The following FRYL variants were observed in gnomAD, a reference collection of about 807,000 sequenced individuals.
The protein encoded by FRYL is FRY like transcription coactivator.
In FRYL, 150 loss-of-function variants were observed where a neutral mutation model predicts 351.2. That is an observed-to-expected ratio of 0.43 (90% CI 0.37 to 0.49). The LOEUF (loss-of-function observed/expected upper bound fraction) is 0.49, where lower values mean the gene tolerates loss of function less well. Ranked by LOEUF, FRYL falls within the 20% of genes least tolerant of loss-of-function variation. The pLI is 0.00. For missense variants in FRYL, 3,036 were observed against 3,619.3 expected (o/e 0.84, Z 4.13); for synonymous variants, 1,153 against 1,257.1 (o/e 0.92, Z 1.75).
At chr4:48,500,920 C>G (rs555938343) in intron 62 of FRYL, among the ~76,000 whole-genome samples, 2 of 151,936 alleles carry the variant, frequency 1.3e-5, no homozygotes, top group Admixed American at 1.3e-4. Context: ...CCCGTCTCTA[C>G]TAAAAATACA....
intron 3 of FRYL, among the ~76,000 whole-genome samples, chr4:48,672,034 G>A (rs982081152): frequency 6.6e-6 from 1 of 152,064 alleles, no homozygotes; most frequent in African/African-American, 2.4e-5. Context: ...ATGCTCCAAG[G>A]TTAAATTTGT....
intron 36 of FRYL, among the ~76,000 whole-genome samples, chr4:48,552,013 C>A (rs1208801275): frequency 2.6e-5 from 4 of 152,162 alleles, no homozygotes; most frequent in African/African-American, 9.7e-5. Flanking sequence ...CTGTCTTTCC[C>A]CACTTCTAGA....
At position 48,755,297 on chromosome 4, in the gene FRYL, T is replaced by C. The variant is rs112698144; in HGVS notation, c.-384+24781A>G. Among the ~76,000 whole-genome samples the C allele has an allele frequency of 4.5e-3, 691 of 152,320 alleles. 6 individuals carry two copies. The highest frequency in any genetic ancestry group is 0.015 in the African/African-American group (642 of 41,566). ...ATTTCACTCAGAAATACTATTTCCA[T>C]TAAGTTAACCCTAGAAAATTCATTT... On this transcript the variant is annotated intron_variant, in intron 1 of 63. Coordinates refer to ENST00000358350, the MANE Select transcript of FRYL (RefSeq NM_015030.2).
intron 59 of FRYL, chr4:48,506,378 A>G (rs796532471): frequency 2.6e-5 from 4 of 151,906 alleles, no homozygotes; most frequent in African/African-American, 9.7e-5. Flanking sequence ...TAAAAACATA[A>G]AATAAAAAAA....
intron 1 of FRYL, among the ~76,000 whole-genome samples, chr4:48,722,563 A>C (rs1319232522): frequency 6.6e-6 from 1 of 152,220 alleles, no homozygotes; most frequent in African/African-American, 2.4e-5. Context: ...CTCACTTGTA[A>C]CATGTCTACA....
Position 48,579,124 on chromosome 4 carries a change from G to A in FRYL, c.2377C>T (p.His793Tyr). 1 of 1,613,982 alleles carries A rather than the reference G, an allele frequency of 6.2e-7. No homozygotes were observed. Among genetic ancestry groups the A allele is most frequent in the South Asian group, 1.1e-5 (1 of 91,072 alleles). Residue 793 changes from histidine to tyrosine, a missense_variant, in exon 23 of 64, where the codon CAT becomes TAT. Around this residue, in one of 7 missense-constraint regions of FRYL, gnomAD observed 492 missense variants for 551.5 expected, o/e 0.89. Coordinates refer to ENST00000358350, the MANE Select transcript of FRYL (RefSeq NM_015030.2). ...ISPSHIWIFA[H>Y]VTQGQDPWII... Reference sequence around the variant, plus strand: ...CATGGGTCTTGGCCTTGGGTCACATGTGCAAATATCCATATATGTGATGGA... The same window carrying A: ...CATGGGTCTTGGCCTTGGGTCACATATGCAAATATCCATATATGTGATGGA...
Position 48,561,091 on chromosome 4 carries a change from T to G in FRYL, c.3865+377A>C, listed in dbSNP as rs186229574. Among the ~76,000 whole-genome samples the G allele has an allele frequency of 1.1e-4, 16 of 152,344 alleles. No homozygotes were observed. In the East Asian group the frequency reaches 2.5e-3, roughly 24 times the overall value. Reference sequence around the variant, plus strand: ...CGCTCACGGAAAACTGCCTATAACTTTATCCCTGCCTATTTTTATTATTAA... The same window carrying G: ...CGCTCACGGAAAACTGCCTATAACTGTATCCCTGCCTATTTTTATTATTAA... On this transcript the variant is annotated intron_variant, in intron 33 of 63. Coordinates refer to ENST00000358350, the MANE Select transcript of FRYL (RefSeq NM_015030.2).
At chr4:48,649,689 C>CA (rs1486894812) in intron 3 of FRYL, among the ~76,000 whole-genome samples, 2 of 152,132 alleles carry the variant, frequency 1.3e-5, no homozygotes. Context: ...GGCACAAAGA[C>CA]AAAATCCTGA....
chr4:48,633,150 T>C (rs534435273), intron 4 of FRYL, among the ~76,000 whole-genome samples: 3 of 152,234 alleles, frequency 2.0e-5, no homozygotes, highest in South Asian at 2.1e-4. Flanking sequence ...ACATACCCAC[T>C]TCCTTCCAGC....
At chr4:48,504,659 G>C (rs958338316) in intron 60 of FRYL, among the ~76,000 whole-genome samples, 3 of 152,172 alleles carry the variant, frequency 2.0e-5, no homozygotes. Context: ...GCTGATTTTA[G>C]ATAAATTAGC....
intron 20 of FRYL, among the ~76,000 whole-genome samples, chr4:48,581,925 G>A (rs1318151536): frequency 1.3e-5 from 2 of 152,206 alleles, no homozygotes; most frequent in Non-Finnish European, 2.9e-5. Flanking sequence ...CACTCAGAGT[G>A]TGGACCAGCA....
At chr4:48,641,530 C>T (rs1304745913) in intron 3 of FRYL, among the ~76,000 whole-genome samples, 2 of 151,978 alleles carry the variant, frequency 1.3e-5, no homozygotes, top group Non-Finnish European at 2.9e-5. Flanking sequence ...ATATTCACAC[C>T]CCAGAGGCTC....
rs1039131195 is a variant in FRYL at position 48,716,186 on chromosome 4, A to G, written c.-383-5488T>C. On this transcript the variant is annotated intron_variant, in intron 1 of 63. Transcript: ENST00000358350. The stretch of plus-strand genomic sequence containing the variant: ...CCGTAAAAACCCTAGAAGAAAACCT[A>G]GGCATTACCATTCAGGACATAGGCA... 2.0e-5 allele frequency among the ~76,000 whole-genome samples: 3 copies of G among 151,842 alleles called. No individual in the cohort carries two copies. The Admixed American group carries it at 2.0e-4, about 10-fold the overall frequency.
At chr4:48,658,028 G>A (rs1052482883) in intron 3 of FRYL, among the ~76,000 whole-genome samples, 4 of 152,050 alleles carry the variant, frequency 2.6e-5, no homozygotes, top group Non-Finnish European at 5.9e-5. Flanking sequence ...GTCAACAGAG[G>A]TACATTCCAA....
chr4:48,748,327 A>C (rs751203877), intron 1 of FRYL, among the ~76,000 whole-genome samples: 2 of 152,178 alleles, frequency 1.3e-5, no homozygotes, highest in Admixed American at 6.5e-5. Flanking sequence ...GTAAAAATAG[A>C]ACTCCGAAGT....
At chr4:48,710,016 T>G (rs1291882689) in intron 2 of FRYL, among the ~76,000 whole-genome samples, 1 of 152,166 alleles carries the variant, frequency 6.6e-6, no homozygotes, top group Non-Finnish European at 1.5e-5. Flanking sequence ...TGAGTAAATA[T>G]CAGAGTTGCC....
chr4:48,742,261 G>T (rs1487457284), intron 1 of FRYL, among the ~76,000 whole-genome samples: 4 of 152,078 alleles, frequency 2.6e-5, no homozygotes, highest in African/African-American at 7.2e-5. Flanking sequence ...TTAATTTTTA[G>T]TAGCATGAAG....
chr4:48,737,909 C>G (rs974318746), intron 1 of FRYL, among the ~76,000 whole-genome samples: 19 of 152,116 alleles, frequency 1.2e-4, no homozygotes, highest in African/African-American at 4.3e-4. Context: ...CAAAATACAA[C>G]ACTCATTCAT....
chr4:48,652,809 C>T (rs1450387719), intron 3 of FRYL, among the ~76,000 whole-genome samples: 1 of 152,126 alleles, frequency 6.6e-6, no homozygotes, highest in Admixed American at 6.5e-5. Flanking sequence ...ATATTTTATA[C>T]ATTAGTTTGC....
Sources: allele counts gnomAD v4.1 joint callset (sites outside exome capture counted in the v4.1 genomes callset), GRCh38; gene constraint gnomAD v4.1.1; regional missense constraint gnomAD v4.1.1; transcripts MANE v1.5; gene names NCBI Gene and HGNC (gene_info 2026-07-23, HGNC 2026-07-21).